The following LRP2 variants were observed in gnomAD, a reference collection of about 807,000 sequenced individuals.
The protein encoded by LRP2 is LDL receptor related protein 2.
A neutral mutation model predicts 531.0 loss-of-function variants in LRP2; 172 were observed. The ratio of observed to expected loss-of-function variants is 0.32; its 90% CI spans 0.29 to 0.37. The LOEUF (loss-of-function observed/expected upper bound fraction) is 0.37, where lower values mean the gene tolerates loss of function less well. LRP2 is among the 10% of genes least tolerant of loss of function. LRP2 has a pLI of 1.00. For synonymous variants in LRP2, 1,992 were observed against 2,027.6 expected, an observed-to-expected ratio of 0.98 and a Z score of 0.47; for missense variants, 5,167 against 5,868.3, an observed-to-expected ratio of 0.88 and a Z score of 3.90.
At chr2:169,203,797 A>G (rs1216509413) in intron 42 of LRP2, among the ~76,000 whole-genome samples, 185 bp downstream of exon 42, 1 of 152,202 alleles carries the variant, frequency 6.6e-6, no homozygotes, top group African/African-American at 2.4e-5. Flanking sequence ...AAAGGGCTCC[A>G]TATAGATTAG....
intron 15 of LRP2, chr2:169,271,635 ACACACAC>A (rs964581874): frequency 2.3e-5 from 11 of 473,992 alleles, no homozygotes; most frequent in African/African-American, 2.1e-4. Context: ...ACACACACAC[ACACACAC>A]ACACACACAC....
Position 169,220,567 on chromosome 2 carries a change from T to G in LRP2, c.5539-4A>C. On this transcript the variant is annotated splice_polypyrimidine_tract_variant and splice_region_variant and intron_variant, in intron 33 of 78. Transcript: ENST00000649046. Reference sequence around the variant, plus strand: ...TATCTCCGTGGAGTGTCAAAACCTATAGCATAAAATCACTTATTAGAACTG... The same window carrying G: ...TATCTCCGTGGAGTGTCAAAACCTAGAGCATAAAATCACTTATTAGAACTG... The G allele has an allele frequency of 6.3e-7, 1 of 1,590,974 alleles. No individual in the cohort carries two copies. Among genetic ancestry groups the G allele is most frequent in the South Asian group, 1.1e-5 (1 of 90,198 alleles).
intron 3 of LRP2, among the ~76,000 whole-genome samples, chr2:169,317,809 G>A (rs1463712322): frequency 6.6e-6 from 1 of 152,150 alleles, no homozygotes; most frequent in Non-Finnish European, 1.5e-5. Context: ...AGTCATGGGG[G>A]GGTCATGCCT....
Position 169,185,758 on chromosome 2 carries a change from A to G in LRP2, c.9590T>C (p.Ile3197Thr). The change falls in exon 50 of 79, where the codon ATC (isoleucine) becomes ACC (threonine). Residue 3197 changes from isoleucine to threonine, a missense_variant. Physicochemically the swap from Ile to Thr is moderately conservative, Grantham distance 89 (BLOSUM62 -1). Around this residue, in one of 6 missense-constraint regions of LRP2, gnomAD observed 1,129 missense variants for 1,362.7 expected, o/e 0.83. Transcript: ENST00000649046. ...DGKTCRQNSN[I>T]EPYLIFSNRY... ...GTTGCTAAAAATGAGATAGGGTTCGATGTTACTGTTTTGCCGGCAGGTCTT... is the reference window on the plus strand; with the variant it reads ...GTTGCTAAAAATGAGATAGGGTTCGGTGTTACTGTTTTGCCGGCAGGTCTT... 1 of 1,613,808 alleles carries G rather than the reference A, an allele frequency of 6.2e-7. No homozygotes were observed. Among genetic ancestry groups the G allele is most frequent in the Non-Finnish European group, 8.5e-7 (1 of 1,179,944 alleles).
At chr2:169,322,427 T>C (rs1393761327) in intron 1 of LRP2, among the ~76,000 whole-genome samples, 2 of 152,188 alleles carry the variant, frequency 1.3e-5, no homozygotes, top group African/African-American at 4.8e-5. Flanking sequence ...TACACCCAAA[T>C]ACCTTCTATA....
chr2:169,226,335 T>A, intron 32 of LRP2, 87 bp downstream of exon 32: 1 of 1,079,470 alleles, frequency 9.3e-7, no homozygotes, highest in Admixed American at 1.8e-5. Flanking sequence ...TTTACTCACA[T>A]GACAAAAGTT....
At chr2:169,359,128 T>G (rs1686077106) in intron 1 of LRP2, among the ~76,000 whole-genome samples, 1 of 152,182 alleles carries the variant, frequency 6.6e-6, no homozygotes, top group Non-Finnish European at 1.5e-5. Context: ...ACTGTCTATA[T>G]GCTTTACACC....
At chr2:169,172,172 G>A (rs1687030693) in intron 57 of LRP2, 38 bp from the exon 58 acceptor site, 8 of 1,613,268 alleles carry the variant, frequency 5.0e-6, no homozygotes, top group Non-Finnish European at 5.1e-6. Flanking sequence ...ATAAACCATT[G>A]GCAGAGAAAT....
chr2:169,163,650 C>T (rs1357600664), intron 62 of LRP2, among the ~76,000 whole-genome samples: 2 of 152,040 alleles, frequency 1.3e-5, no homozygotes, highest in South Asian at 2.1e-4. Context: ...AGATCAAATG[C>T]CTGGTATGTT....
chr2:169,147,997 CAT>C (rs1465754587), intron 68 of LRP2, among the ~76,000 whole-genome samples: 2 of 152,078 alleles, frequency 1.3e-5, no homozygotes, highest in Non-Finnish European at 2.9e-5. Context: ...TCCTATGGGC[CAT>C]ATTTGGCCCA....
At chr2:169,168,783 T>A (rs1329037498) in intron 60 of LRP2, 107 bp from the exon 61 acceptor site, 1 of 1,233,872 alleles carries the variant, frequency 8.1e-7, no homozygotes, top group South Asian at 1.3e-5. Flanking sequence ...CCTGCTCTTC[T>A]TTATTCATCA....
chr2:169,318,732 C>G (rs370938668), intron 3 of LRP2, 30 bp downstream of exon 3: 2 of 1,613,768 alleles, frequency 1.2e-6, no homozygotes, highest in African/African-American at 2.7e-5. Flanking sequence ...GTCCACAAAG[C>G]CAAAGCAAGA....
chr2:169,189,331 A>G (rs1419513281), intron 48 of LRP2, among the ~76,000 whole-genome samples: 1 of 152,214 alleles, frequency 6.6e-6, no homozygotes, highest in African/African-American at 2.4e-5. Flanking sequence ...GGGCCTTGTC[A>G]ACATGATTTA....
chr2:169,255,832 T>C (rs1690282492), intron 19 of LRP2, among the ~76,000 whole-genome samples: 1 of 152,162 alleles, frequency 6.6e-6, no homozygotes, highest in African/African-American at 2.4e-5. Flanking sequence ...CTTGGGATGT[T>C]GAATTGTATA....
intron 6 of LRP2, among the ~76,000 whole-genome samples, chr2:169,293,283 G>A (rs969331816): frequency 9.2e-5 from 14 of 152,116 alleles, no homozygotes; most frequent in African/African-American, 3.4e-4. Context: ...TGGAGAGGTG[G>A]CAACAATAAG....
chr2:169,297,968 G>A (rs1355902936), intron 4 of LRP2, among the ~76,000 whole-genome samples: 1 of 134,856 alleles, frequency 7.4e-6, no homozygotes, highest in African/African-American at 2.9e-5. Context: ...AGCCAAGATT[G>A]GGAAACACAC....
intron 59 of LRP2, 81 bp from the exon 60 acceptor site, chr2:169,169,899 C>A: frequency 1.1e-6 from 1 of 926,910 alleles, no homozygotes; most frequent in South Asian, 1.3e-5. Flanking sequence ...AGTGGTTACT[C>A]CATCACATTC....
intron 1 of LRP2, among the ~76,000 whole-genome samples, chr2:169,332,960 A>G (rs1274874290): frequency 6.6e-6 from 1 of 152,202 alleles, no homozygotes; most frequent in Non-Finnish European, 1.5e-5. Flanking sequence ...GACCTTGACC[A>G]TTTAGTGATG....
At position 169,247,003 on chromosome 2, in the gene LRP2, C is replaced by T. The variant is rs370441813; in HGVS notation, c.2909-17G>A. Reference sequence around the variant, plus strand: ...CGTTAGAACCTGCAAAAGCAAAGCCCCGAGGGAGTCAGTCATGTACATTTT... The same window carrying T: ...CGTTAGAACCTGCAAAAGCAAAGCCTCGAGGGAGTCAGTCATGTACATTTT... On this transcript the variant is annotated splice_polypyrimidine_tract_variant and intron_variant, in intron 20 of 78. Coordinates refer to ENST00000649046, the MANE Select transcript of LRP2 (RefSeq NM_004525.3). 2 of 1,613,408 alleles carry T rather than the reference C, an allele frequency of 1.2e-6. No homozygotes were observed. Among genetic ancestry groups the T allele is most frequent in the East Asian group, 4.5e-5 (2 of 44,882 alleles).
Sources: gnomAD v4.1 joint callset for allele counts (sites outside exome capture counted in the v4.1 genomes callset) on GRCh38, gnomAD v4.1.1 for gene constraint, gnomAD v4.1.1 regional missense constraint, MANE v1.5 for transcripts, NCBI Gene and HGNC (gene_info 2026-07-23, HGNC 2026-07-21) for gene names.